The following MCU variants were observed in gnomAD, a reference collection of about 807,000 sequenced individuals.
MCU encodes mitochondrial calcium uniporter.
Under a neutral mutation model 45.2 loss-of-function variants are expected in MCU, and 12 were observed. That is an observed-to-expected ratio of 0.27 (90% CI 0.17 to 0.43). The LOEUF is 0.43. MCU is among the 20% of genes least tolerant of loss of function. The probability of loss-of-function intolerance (pLI) is 1.00; values close to 1 mark genes in which losing one functional copy is unlikely to be tolerated. For synonymous variants in MCU, 160 were observed against 165.1 expected, an observed-to-expected ratio of 0.97 and a Z score of 0.24; for missense variants, 324 against 436.7, an observed-to-expected ratio of 0.74 and a Z score of 2.30.
intron 1 of MCU, among the ~76,000 whole-genome samples, chr10:72,748,440 T>C (rs188720993): frequency 2.6e-5 from 4 of 152,280 alleles, no homozygotes; most frequent in Admixed American, 2.6e-4. Context: ...CATTTTGTTA[T>C]CTTTTCCCCA....
At position 72,781,885 on chromosome 10, in the gene MCU, A is replaced by G. The variant is rs1048180235; in HGVS notation, c.151-52474A>G. 5.3e-5 allele frequency among the ~76,000 whole-genome samples: 8 copies of G among 152,198 alleles called. No individual in the cohort carries two copies. The East Asian group carries it at 1.5e-3, about 29-fold the overall frequency. ...TCTCTCTGGAAGATCCAAATAGTCA[A>G]TTCTGACAAAACAAGGACACTGTGC... On this transcript the variant is annotated intron_variant, in intron 1 of 7. Transcript: ENST00000373053.
intron 1 of MCU, among the ~76,000 whole-genome samples, chr10:72,814,885 A>G (rs1844601838): frequency 6.6e-6 from 1 of 152,240 alleles, no homozygotes; most frequent in Admixed American, 6.5e-5. Flanking sequence ...TAATAAGGCA[A>G]TAGGAGGAGA....
chr10:72,851,392 A>T (rs1351080754), intron 2 of MCU, among the ~76,000 whole-genome samples: 1 of 152,226 alleles, frequency 6.6e-6, no homozygotes, highest in African/African-American at 2.4e-5. Context: ...AGAGAGGAGA[A>T]CTGCAATAGA....
chr10:72,779,208 TC>T (rs1295485980), intron 1 of MCU, among the ~76,000 whole-genome samples: 2 of 151,950 alleles, frequency 1.3e-5, no homozygotes, highest in South Asian at 2.1e-4. Context: ...GACTTCGTGA[TC>T]CCCCCACCTC....
chr10:72,867,220 G>A (rs1212908755), intron 4 of MCU, among the ~76,000 whole-genome samples: 1 of 151,876 alleles, frequency 6.6e-6, no homozygotes, highest in African/African-American at 2.4e-5. Context: ...AATTCTGACT[G>A]TGGCTTGTTT....
intron 1 of MCU, among the ~76,000 whole-genome samples, chr10:72,727,539 A>G (rs532112911): frequency 6.6e-6 from 1 of 152,298 alleles, no homozygotes; most frequent in African/African-American, 2.4e-5. Flanking sequence ...ATCAAGTGTC[A>G]TCGCCCTTCA....
chr10:72,696,333 G>T (rs183344418), intron 1 of MCU, among the ~76,000 whole-genome samples: 3 of 151,624 alleles, frequency 2.0e-5, no homozygotes, highest in Non-Finnish European at 1.5e-5. Context: ...ATGGATTCAA[G>T]AATTCCTAGT....
chr10:72,755,146 A>ATTTTT (rs11397520), intron 1 of MCU, among the ~76,000 whole-genome samples: 1 of 123,674 alleles, frequency 8.1e-6, no homozygotes, highest in Non-Finnish European at 1.6e-5. Flanking sequence ...TGAACCTGAG[A>ATTTTT]TTTTTTTTTT....
chr10:72,822,013 C>T (rs963009766), intron 1 of MCU, among the ~76,000 whole-genome samples: 8 of 152,308 alleles, frequency 5.3e-5, no homozygotes, highest in Admixed American at 2.0e-4. Flanking sequence ...TGGTGGCTCA[C>T]GCCTGTAATC....
intron 1 of MCU, among the ~76,000 whole-genome samples, chr10:72,699,515 G>GA (rs1842730319): frequency 3.4e-5 from 5 of 148,516 alleles, no homozygotes; most frequent in Admixed American, 6.7e-5. Flanking sequence ...CCGGAAAAAG[G>GA]GAAAAAAAAG....
chr10:72,772,200 G>C (rs1051264822), intron 1 of MCU, among the ~76,000 whole-genome samples: 1 of 152,178 alleles, frequency 6.6e-6, no homozygotes, highest in Non-Finnish European at 1.5e-5. Context: ...AAATCATAGT[G>C]GCTGTTCAGC....
At position 72,887,358 on chromosome 10, in the gene MCU, AG is replaced by A. The variant is rs1391871442; in HGVS notation, c.*1538del. The A allele has an allele frequency of 6.5e-6, 1 of 152,778 alleles. No individual in the cohort carries two copies. Among genetic ancestry groups the A allele is most frequent in the African/African-American group, 2.4e-5 (1 of 41,460 alleles). 9.5% of individuals were successfully genotyped at this position (152,778 alleles called of 1,614,324 possible). A position where few individuals can be genotyped will look rare whatever the true frequency, so the allele number is the denominator to read the frequency against. ...CCTTTCATTGGCATGACGGAATGAA[AG>A]GATGCATGTCTCCACTTCCTGACCC... is the stretch of plus-strand genomic sequence containing the variant. On this transcript the variant is annotated 3_prime_UTR_variant, in exon 8 of 8. Coordinates refer to ENST00000373053, the MANE Select transcript of MCU (RefSeq NM_138357.3).
rs115347205 is a variant in MCU, at chr10:72,696,808, C to T, written c.150+4507C>T. ...TTATCTCCTCTCCCTATCCCCCTAC[C>T]CCCAGTTTGGCTTGCTTAATAGCCT... On this transcript the variant is annotated intron_variant, in intron 1 of 7. Coordinates refer to ENST00000373053, the MANE Select transcript of MCU (RefSeq NM_138357.3). Among the ~76,000 whole-genome samples, 168 of 152,190 alleles carry T rather than the reference C, an allele frequency of 1.1e-3. 1 individual carries two copies. The highest frequency in any genetic ancestry group is 3.9e-3 in the African/African-American group (161 of 41,518).
chr10:72,798,120 G>A (rs1211445916), intron 1 of MCU, among the ~76,000 whole-genome samples: 1 of 151,728 alleles, frequency 6.6e-6, no homozygotes, highest in Admixed American at 6.6e-5. Context: ...TATAAAATTT[G>A]GACAATACAT....
intron 4 of MCU, among the ~76,000 whole-genome samples, chr10:72,866,051 A>G (rs547458157): frequency 2.0e-5 from 3 of 152,274 alleles, no homozygotes; most frequent in Admixed American, 1.3e-4. Flanking sequence ...TGCTGGGATT[A>G]CAGGTGTGAG....
In MCU at chr10:72,803,702, T is replaced by G. The variant is rs530877452; in HGVS notation, c.151-30657T>G. Among the ~76,000 whole-genome samples the G allele has an allele frequency of 6.6e-5, 10 of 152,100 alleles. No individual in the cohort carries two copies. The South Asian group carries it at 1.9e-3, about 28-fold the overall frequency. On this transcript the variant is annotated intron_variant, in intron 1 of 7. Coordinates refer to ENST00000373053, the MANE Select transcript of MCU (RefSeq NM_138357.3). ...TCAGTTACCAACACATAGCCTATCT[T>G]ATTTCATTTTTACCCCCACTCATTT...
intron 4 of MCU, among the ~76,000 whole-genome samples, chr10:72,866,067 A>C (rs551674618): frequency 6.7e-6 from 1 of 149,624 alleles, no homozygotes; most frequent in East Asian, 1.9e-4. Flanking sequence ...GTGAGCCACC[A>C]CGCCCGGCCT....
At chr10:72,812,475 T>C (rs373730010) in intron 1 of MCU, among the ~76,000 whole-genome samples, 7 of 152,236 alleles carry the variant, frequency 4.6e-5, no homozygotes, top group East Asian at 3.9e-4. Flanking sequence ...ATTATTGATA[T>C]GAGGTGGAGA....
intron 6 of MCU, among the ~76,000 whole-genome samples, chr10:72,882,412 G>A (rs1270879407): frequency 1.3e-5 from 2 of 152,170 alleles, no homozygotes; most frequent in Non-Finnish European, 1.5e-5. Flanking sequence ...AAAGCAAATG[G>A]GAGAAATATC....
Sources: allele counts gnomAD v4.1 joint callset (sites outside exome capture counted in the v4.1 genomes callset), GRCh38; gene constraint gnomAD v4.1.1; transcripts MANE v1.5; gene names NCBI Gene and HGNC (gene_info 2026-07-23, HGNC 2026-07-21).